RNF19A: variants seen among roughly 807,000 people sequenced by gnomAD.
The protein encoded by RNF19A is ring finger protein 19A, RBR E3 ubiquitin protein ligase.
A neutral mutation model predicts 75.7 loss-of-function variants in RNF19A; 32 were observed. The ratio of observed to expected loss-of-function variants is 0.42; its 90% CI spans 0.32 to 0.57. The LOEUF (loss-of-function observed/expected upper bound fraction) is 0.57, where lower values mean the gene tolerates loss of function less well. RNF19A is among the 20% of genes least tolerant of loss of function. The pLI is 0.10. For synonymous variants in RNF19A, 335 were observed against 345.2 expected (o/e 0.97, Z 0.33); for missense variants, 782 against 1,036.3 (o/e 0.75, Z 3.37).
At chr8:100,301,955 C>A (rs1279266404) in intron 1 of RNF19A, among the ~76,000 whole-genome samples, 1 of 152,064 alleles carries the variant, frequency 6.6e-6, no homozygotes, top group Non-Finnish European at 1.5e-5. Flanking sequence ...ATCCAAGGCA[C>A]AGAACAGCCA....
upstream of RNF19A, chr8:100,310,032 C>T: frequency 1.0e-6 from 1 of 985,342 alleles, no homozygotes; most frequent in Non-Finnish European, 1.2e-6. Context: ...CCGACGGCCG[C>T]TTTCCCGAAC....
At chr8:100,328,221 C>T (rs1822563936) in intron 1 of RNF19A, among the ~76,000 whole-genome samples, 1 of 152,170 alleles carries the variant, frequency 6.6e-6, no homozygotes, top group Non-Finnish European at 1.5e-5. Flanking sequence ...TCTCCTTAAT[C>T]ATCGTAATTG....
chr8:100,274,812 G>C, intron 3 of RNF19A, 141 bp downstream of exon 3: 1 of 639,386 alleles, frequency 1.6e-6, no homozygotes, highest in East Asian at 2.7e-5. Context: ...CCATAGGAAA[G>C]AATGAGTGCT....
chr8:100,322,989 G>T lies in RNF19A; in HGVS notation c.-242-9617C>A, dbSNP rs2130361789. 6.6e-6 allele frequency among the ~76,000 whole-genome samples: 1 copy of T among 152,274 alleles called. No homozygotes were observed. Among genetic ancestry groups the T allele is most frequent in the Admixed American group, 6.5e-5 (1 of 15,292 alleles). On this transcript the variant is annotated intron_variant, in intron 1 of 3. Coordinates refer to the RNF19A transcript ENST00000519527. The surrounding 1 kb of genome is among the most constrained non-coding windows in gnomAD (Gnocchi z 5.1). Reference sequence around the variant, plus strand: ...ATAACTTAAAAGTTTGAAATATTGTGAGAACTACCAAAATACGACACAGAG... The same window carrying T: ...ATAACTTAAAAGTTTGAAATATTGTTAGAACTACCAAAATACGACACAGAG...
At position 100,317,737 on chromosome 8, in the gene RNF19A, G is replaced by C. The variant is rs1822404908; in HGVS notation, c.-242-4365C>G. ...ATGAGGTTGGCTCACGAGGTCTAGA[G>C]TGGCAGGATGCACTGGGGCAGGATG... On this transcript the variant is annotated intron_variant, in intron 1 of 3. Transcript: ENST00000519527. This position sits in a 1 kb window ranked among gnomAD's most constrained non-coding sequence, Gnocchi z 4.3. 6.6e-6 allele frequency among the ~76,000 whole-genome samples: 1 copy of C among 152,240 alleles called. No individual in the cohort carries two copies. Among genetic ancestry groups the C allele is most frequent in the Admixed American group, 6.5e-5 (1 of 15,292 alleles).
upstream of RNF19A, among the ~76,000 whole-genome samples, chr8:100,311,907 A>T (rs986549011): frequency 6.6e-6 from 1 of 152,146 alleles, no homozygotes; most frequent in African/African-American, 2.4e-5. Flanking sequence ...TCTTCCTAAA[A>T]ATTAGAAGGA....
chr8:100,299,972 G>T (rs1821750521), intron 1 of RNF19A, among the ~76,000 whole-genome samples: 1 of 152,188 alleles, frequency 6.6e-6, no homozygotes, highest in African/African-American at 2.4e-5. Context: ...GTGTGTGCAT[G>T]TAATTGAATG....
Position 100,284,870 on chromosome 8 carries a change from C to A in RNF19A, c.674+2631G>T, listed in dbSNP as rs1431560625. 6.6e-6 allele frequency among the ~76,000 whole-genome samples: 1 copy of A among 152,064 alleles called. No homozygotes were observed. Among genetic ancestry groups the A allele is most frequent in the Non-Finnish European group, 1.5e-5 (1 of 67,968 alleles). ...AGCAGGATGATCATTAACTCACAATCTAAATTGGAACACTTGAGAAAGAAA... is the reference window on the plus strand; with the variant it reads ...AGCAGGATGATCATTAACTCACAATATAAATTGGAACACTTGAGAAAGAAA... On this transcript the variant is annotated intron_variant, in intron 2 of 9. Transcript: ENST00000341084. The surrounding 1 kb of genome is among the most constrained non-coding windows in gnomAD (Gnocchi z 4.3).
chr8:100,309,595 C>G (rs1410371075), intron 1 of RNF19A: 1 of 964,720 alleles, frequency 1.0e-6, no homozygotes, highest in Non-Finnish European at 1.2e-6. Flanking sequence ...ATCCCACGCT[C>G]CACCTCGGCC....
At chr8:100,285,146 G>T (rs771494847) in intron 2 of RNF19A, among the ~76,000 whole-genome samples, 1 of 152,070 alleles carries the variant, frequency 6.6e-6, no homozygotes. Context: ...TTTCTCTACA[G>T]TACTTACCTA....
upstream of RNF19A, among the ~76,000 whole-genome samples, chr8:100,312,618 G>A (rs1822316914): frequency 6.6e-6 from 1 of 151,194 alleles, no homozygotes; most frequent in Admixed American, 6.6e-5. Flanking sequence ...AGGGAAGGAG[G>A]GAGGGAGAGA....
intron 1 of RNF19A, among the ~76,000 whole-genome samples, chr8:100,301,927 G>A (rs1821849257): frequency 6.6e-6 from 1 of 152,150 alleles, no homozygotes; most frequent in African/African-American, 2.4e-5. Context: ...TAGCTATGTG[G>A]AAATCTGGGG....
At chr8:100,303,336 T>C (rs555034723) in intron 1 of RNF19A, 2 of 152,246 alleles carry the variant, frequency 1.3e-5, no homozygotes, top group African/African-American at 2.4e-5. Flanking sequence ...TTTCTGCGCG[T>C]CGTCTTCTCT....
At chr8:100,268,359 A>AG (rs1009770181) in intron 5 of RNF19A, among the ~76,000 whole-genome samples, 1 of 152,168 alleles carries the variant, frequency 6.6e-6, no homozygotes, top group African/African-American at 2.4e-5. Context: ...CCAAAAAAAA[A>AG]GCTTTGAACT....
intron 1 of RNF19A, among the ~76,000 whole-genome samples, chr8:100,298,193 T>C (rs1270746529): frequency 8.4e-6 from 1 of 118,726 alleles, no homozygotes; most frequent in Non-Finnish European, 1.7e-5. Flanking sequence ...TACCATGTAT[T>C]GGGTTAAAAA....
intron 1 of RNF19A, chr8:100,309,247 G>A: frequency 1.1e-6 from 1 of 890,166 alleles, no homozygotes; most frequent in Non-Finnish European, 1.3e-6. Context: ...CCATTTTGGT[G>A]TGATGTGTAA....
intron 7 of RNF19A, among the ~76,000 whole-genome samples, chr8:100,263,020 A>G (rs991199103): frequency 1.2e-4 from 18 of 152,214 alleles, no homozygotes; most frequent in African/African-American, 4.1e-4. Flanking sequence ...ATTTGGCTGT[A>G]GACAAGTTAA....
At position 100,269,413 on chromosome 8, in the gene RNF19A, G is replaced by C. The variant is rs923470129; in HGVS notation, c.1028+456C>G. Among the ~76,000 whole-genome samples, 5 of 151,492 alleles carry C rather than the reference G, an allele frequency of 3.3e-5. No homozygotes were observed. Among genetic ancestry groups the C allele is most frequent in the African/African-American group, 1.2e-4 (5 of 41,232 alleles). Reference sequence around the variant, plus strand: ...CTGTAAATTATATTAACAAGATACTGATAACTGAGATTCAGGTTAAAAATT... The same window carrying C: ...CTGTAAATTATATTAACAAGATACTCATAACTGAGATTCAGGTTAAAAATT... On this transcript the variant is annotated intron_variant, in intron 4 of 9. Coordinates refer to ENST00000341084, the MANE Select transcript of RNF19A (RefSeq NM_183419.4). This position sits in a 1 kb window ranked among gnomAD's most constrained non-coding sequence, Gnocchi z 5.7.
intron 2 of RNF19A, among the ~76,000 whole-genome samples, chr8:100,281,242 T>C (rs1820769336): frequency 6.6e-6 from 1 of 152,186 alleles, no homozygotes; most frequent in Non-Finnish European, 1.5e-5. Flanking sequence ...TCTCCAGAAG[T>C]ATCTTCTGTT....
Sources: allele counts gnomAD v4.1 joint callset (sites outside exome capture counted in the v4.1 genomes callset), GRCh38; gene constraint gnomAD v4.1.1; non-coding constraint Gnocchi (gnomAD v3.1); transcripts MANE v1.5; gene names NCBI Gene and HGNC (gene_info 2026-07-23, HGNC 2026-07-21).